The following TRIM66 variants were observed in gnomAD, a reference collection of about 807,000 sequenced individuals.
TRIM66 encodes the protein tripartite motif-containing protein 66.
Under a neutral mutation model 148.2 loss-of-function variants are expected in TRIM66, and 99 were observed. That is an observed-to-expected ratio of 0.67 (90% CI 0.57 to 0.79). TRIM66 has a LOEUF of 0.79. Ranked by LOEUF, TRIM66 falls within the 30% of genes least tolerant of loss-of-function variation. TRIM66 has a pLI of 0.00. For synonymous variants in TRIM66, 616 were observed against 635.9 expected (o/e 0.97, Z 0.47); for missense variants, 1,666 against 1,697.9 (o/e 0.98, Z 0.33).
At chr11:8,677,015 C>G (rs1157879078) in intron 3 of TRIM66, among the ~76,000 whole-genome samples, 1 of 152,196 alleles carries the variant, frequency 6.6e-6, no homozygotes, top group Non-Finnish European at 1.5e-5. Context: ...CTTTTAACAT[C>G]TTACCACATC....
In TRIM66 at chr11:8,621,325, G is replaced by A; in HGVS notation, c.3256-4C>T. 2 of 1,548,172 alleles carry A rather than the reference G, an allele frequency of 1.3e-6. No individual in the cohort carries two copies. Among genetic ancestry groups the A allele is most frequent in the Non-Finnish European group, 1.7e-6 (2 of 1,144,794 alleles). ...CAGACAGTCTGTCCTGGCTGACCTT[G>A]GGGAAGAAGTAAGTCTGGGCAGCCA... On this transcript the variant is annotated splice_polypyrimidine_tract_variant and splice_region_variant and intron_variant, in intron 19 of 24. Transcript: ENST00000646038.
chr11:8,631,966 C>T (rs767113359), intron 15 of TRIM66, among the ~76,000 whole-genome samples: 1 of 152,096 alleles, frequency 6.6e-6, no homozygotes, highest in Non-Finnish European at 1.5e-5. Context: ...AAAGGGACCA[C>T]AGATTTGGGA....
Position 8,624,792 on chromosome 11 carries a change from C to A in TRIM66, c.2747G>T (p.Ser916Ile). 1 of 1,551,532 alleles carries A rather than the reference C, an allele frequency of 6.4e-7. No individual in the cohort carries two copies. The highest frequency in any genetic ancestry group is 8.7e-7 in the Non-Finnish European group (1 of 1,146,890). Reference sequence around the variant, plus strand: ...CCCTGAAGTTCGGCCAGAACTGGAGCTGGACCCAGTTTCTGGCTGCATGTC... The same window carrying A: ...CCCTGAAGTTCGGCCAGAACTGGAGATGGACCCAGTTTCTGGCTGCATGTC... ...VSDMQPETGS[S>I]SSSGRTSGSL... The change falls in exon 16 of 25, where the codon AGC becomes ATC. Residue 916 changes from serine (S) to isoleucine (I), a missense_variant. Transcript: ENST00000646038.
intron 22 of TRIM66, 135 bp from the exon 23 acceptor site, chr11:8,619,670 A>G: frequency 1.1e-6 from 1 of 928,946 alleles, no homozygotes; most frequent in Non-Finnish European, 1.6e-6. Context: ...GATGAGGAGC[A>G]GCAGGAAGAA....
intron 9 of TRIM66, 114 bp from the exon 10 acceptor site, chr11:8,648,200 T>C: frequency 5.0e-6 from 6 of 1,191,082 alleles, no homozygotes; most frequent in Non-Finnish European, 7.2e-6. Flanking sequence ...GAAGCTGTGA[T>C]GACTTCTAGG....
intron 3 of TRIM66, among the ~76,000 whole-genome samples, chr11:8,675,612 C>A (rs1396405092): frequency 6.6e-6 from 1 of 152,112 alleles, no homozygotes; most frequent in Non-Finnish European, 1.5e-5. Context: ...AAACTCCCGA[C>A]CTCAGATGAT....
At chr11:8,665,809 C>T (rs908049869) in intron 6 of TRIM66, among the ~76,000 whole-genome samples, 2 of 151,680 alleles carry the variant, frequency 1.3e-5, no homozygotes, top group Non-Finnish European at 2.9e-5. Context: ...ATTAGCCGGG[C>T]GTGGTGGTGG....
rs2033513096 is a variant in TRIM66, at chr11:8,613,300, T to C, written c.*4644A>G. The C allele has an allele frequency of 6.6e-6, 1 of 152,052 alleles. No homozygotes were observed. Among genetic ancestry groups the C allele is most frequent in the South Asian group, 2.1e-4 (1 of 4,810 alleles). 9.4% of individuals were successfully genotyped at this position (152,052 alleles called of 1,614,324 possible). On this transcript the variant is annotated 3_prime_UTR_variant, in exon 25 of 25. Coordinates refer to ENST00000646038, the MANE Select transcript of TRIM66 (RefSeq NM_001388022.1). The stretch of plus-strand genomic sequence containing the variant: ...CTTGTTTTTCTGGATTCTCTGAGAA[T>C]CCAGAGACTTGTGGTGTCATAAAAG...
At chr11:8,661,428 C>T (rs530243608) in intron 6 of TRIM66, among the ~76,000 whole-genome samples, 21 of 152,340 alleles carry the variant, frequency 1.4e-4, no homozygotes, top group Non-Finnish European at 2.4e-4. Flanking sequence ...CCTCACTGAC[C>T]GAGGTAGCAC....
Position 8,671,792 on chromosome 11 carries a change from C to T in TRIM66, c.334G>A (p.Ala112Thr), listed in dbSNP as rs1438738206. 4 of 1,354,536 alleles carry T rather than the reference C, an allele frequency of 3.0e-6. No individual in the cohort carries two copies. The highest frequency in any genetic ancestry group is 2.9e-5 in the African/African-American group (2 of 69,386). The allele number at this position is 1,354,536 out of a possible 1,614,324, so 83.9% of individuals were successfully genotyped here. A position where few individuals can be genotyped will look rare whatever the true frequency, so the allele number is the denominator to read the frequency against. The change falls in exon 6 of 25, where the codon GCA becomes ACA. Residue 112 changes from alanine (A) to threonine (T), a missense_variant. Coordinates refer to ENST00000646038, the MANE Select transcript of TRIM66 (RefSeq NM_001388022.1). ...GTGGTGCCTTTGTACTTACCATCTGCAACAGTCTCATGAGCCTTGGCAATC... is the reference window on the plus strand; with the variant it reads ...GTGGTGCCTTTGTACTTACCATCTGTAACAGTCTCATGAGCCTTGGCAATC... Reference protein sequence around the residue: ...GQIAKAHETVADELISCPGCE... With the variant: ...GQIAKAHETVTDELISCPGCE...
chr11:8,674,646 G>T (rs187071710), intron 4 of TRIM66, among the ~76,000 whole-genome samples, 160 bp downstream of exon 4: 1 of 151,932 alleles, frequency 6.6e-6, no homozygotes, highest in African/African-American at 2.4e-5. Flanking sequence ...TTGGCCGCCC[G>T]AAGTGCTGGG....
intron 6 of TRIM66, among the ~76,000 whole-genome samples, chr11:8,661,981 T>C (rs182024115): frequency 9.9e-5 from 15 of 152,266 alleles, no homozygotes; most frequent in African/African-American, 3.1e-4. Context: ...ACCGGGGGAA[T>C]TGCTCTCCCA....
At chr11:8,632,530 A>G (rs970701866) in intron 15 of TRIM66, among the ~76,000 whole-genome samples, 1 of 137,890 alleles carries the variant, frequency 7.3e-6, no homozygotes, top group African/African-American at 2.8e-5. Flanking sequence ...ATCTCAGCTC[A>G]CTGTAACCTC....
intron 15 of TRIM66, among the ~76,000 whole-genome samples, chr11:8,628,342 G>A (rs1047575045): frequency 1.3e-5 from 2 of 151,904 alleles, no homozygotes; most frequent in Non-Finnish European, 2.9e-5. Flanking sequence ...GTTGGGCATG[G>A]TGGCTCACAC....
At chr11:8,642,923 G>T in intron 13 of TRIM66, 86 bp downstream of exon 13, 1 of 717,348 alleles carries the variant, frequency 1.4e-6, no homozygotes, top group Non-Finnish European at 2.1e-6. Context: ...CTTTCTCTTG[G>T]GCATATGCTG....
Position 8,625,235 on chromosome 11 carries a change from G to C in TRIM66, c.2311-7C>G. 1 of 1,489,758 alleles carries C rather than the reference G, an allele frequency of 6.7e-7. No individual in the cohort carries two copies. The highest frequency in any genetic ancestry group is 9.0e-7 in the Non-Finnish European group (1 of 1,113,636). 92.3% of individuals were successfully genotyped at this position (1,489,758 alleles called of 1,614,324 possible). A position where few individuals can be genotyped will look rare whatever the true frequency, so the allele number is the denominator to read the frequency against. ...TGCTCAGCGAGGTGGAGTGCTGCAGGAACAGAGACAAGGGGTAGAGTCAGG... is the reference window on the plus strand; with the variant it reads ...TGCTCAGCGAGGTGGAGTGCTGCAGCAACAGAGACAAGGGGTAGAGTCAGG... On this transcript the variant is annotated splice_polypyrimidine_tract_variant and splice_region_variant and intron_variant, in intron 15 of 24. Transcript: ENST00000646038.
intron 13 of TRIM66, among the ~76,000 whole-genome samples, chr11:8,641,379 T>C (rs1308981507): frequency 6.6e-6 from 1 of 152,136 alleles, no homozygotes; most frequent in African/African-American, 2.4e-5. Flanking sequence ...AGTTCAGCTT[T>C]TACCAGATGC....
At chr11:8,670,909 T>C (rs2038896295) in intron 6 of TRIM66, among the ~76,000 whole-genome samples, 1 of 152,240 alleles carries the variant, frequency 6.6e-6, no homozygotes, top group Non-Finnish European at 1.5e-5. Context: ...AACTCTATTA[T>C]CACAATGAAA....
chr11:8,649,981 C>T (rs2037216198), intron 7 of TRIM66, 94 bp from the exon 8 acceptor site: 13 of 1,403,028 alleles, frequency 9.3e-6, no homozygotes, highest in South Asian at 2.8e-5. Context: ...GTCCTGCAGG[C>T]CTATTCCTCC....
Sources: gnomAD v4.1 joint callset for allele counts (sites outside exome capture counted in the v4.1 genomes callset) on GRCh38, gnomAD v4.1.1 for gene constraint, MANE v1.5 for transcripts, NCBI Gene and HGNC (gene_info 2026-07-23, HGNC 2026-07-21) for gene names.